The following ERC1 variants were observed in gnomAD, a reference collection of about 807,000 sequenced individuals.
ERC1 encodes RAB6 interacting protein 2.
Under a neutral mutation model 132.0 loss-of-function variants are expected in ERC1, and 56 were observed. The observed-to-expected ratio is 0.42, with a 90% CI of 0.34 to 0.53. The LOEUF (loss-of-function observed/expected upper bound fraction) is 0.53, where lower values mean the gene tolerates loss of function less well. ERC1 is among the 20% of genes least tolerant of loss of function. The pLI is 0.03. For synonymous variants in ERC1, 478 were observed against 476.1 expected, an observed-to-expected ratio of 1.00 and a Z score of -0.05; for missense variants, 1,202 against 1,349.9, an observed-to-expected ratio of 0.89 and a Z score of 1.72.
intron 2 of ERC1, among the ~76,000 whole-genome samples, chr12:1,058,157 T>G (rs550437594): frequency 6.6e-6 from 1 of 152,348 alleles, no homozygotes; most frequent in Non-Finnish European, 1.5e-5. Context: ...CTGTTGATTG[T>G]TTCCTTTGCT....
At chr12:1,236,658 A>T in intron 12 of ERC1, 111 bp from the exon 13 acceptor site, 1 of 1,077,938 alleles carries the variant, frequency 9.3e-7, no homozygotes, top group Non-Finnish European at 1.3e-6. Context: ...GCATGTATTT[A>T]TTCGTTGGTT....
At chr12:1,236,746 G>T in intron 12 of ERC1, 23 bp from the exon 13 acceptor site, 1 of 1,608,472 alleles carries the variant, frequency 6.2e-7, no homozygotes, top group Non-Finnish European at 8.5e-7. Flanking sequence ...TGCAAAGCTT[G>T]ATTTTTCTCC....
chr12:1,187,913 G>A (rs913315085), intron 11 of ERC1, among the ~76,000 whole-genome samples: 1 of 152,112 alleles, frequency 6.6e-6, no homozygotes, highest in African/African-American at 2.4e-5. Context: ...TTATATCAAG[G>A]AGAACTAACT....
At chr12:1,265,397 G>C (rs893575874) in intron 14 of ERC1, among the ~76,000 whole-genome samples, 2 of 152,106 alleles carry the variant, frequency 1.3e-5, no homozygotes, top group South Asian at 4.2e-4. Context: ...ATATGCTTTA[G>C]GGGTATGTTT....
intron 17 of ERC1, among the ~76,000 whole-genome samples, chr12:1,438,084 C>A (rs1430277229): frequency 6.6e-6 from 1 of 152,156 alleles, no homozygotes; most frequent in Non-Finnish European, 1.5e-5. Context: ...CTAGTGGTAA[C>A]TGAATTATAT....
At chr12:1,401,270 C>T (rs1446106483) in intron 16 of ERC1, among the ~76,000 whole-genome samples, 1 of 152,058 alleles carries the variant, frequency 6.6e-6, no homozygotes, top group East Asian at 1.9e-4. Context: ...TGTGAATTTA[C>T]AGTTCTCTCA....
At chr12:1,156,500 G>C (rs1226727145) in intron 8 of ERC1, among the ~76,000 whole-genome samples, 1 of 152,120 alleles carries the variant, frequency 6.6e-6, no homozygotes, top group Non-Finnish European at 1.5e-5. Context: ...GCCTCCCAAA[G>C]TGCAGGGATT....
intron 1 of ERC1, among the ~76,000 whole-genome samples, chr12:996,884 A>G (rs1246608631): frequency 6.6e-6 from 1 of 152,198 alleles, no homozygotes; most frequent in Non-Finnish European, 1.5e-5. Flanking sequence ...TACATATAAG[A>G]AACATTTTAT....
At chr12:1,333,277 G>A (rs373343214) in intron 15 of ERC1, among the ~76,000 whole-genome samples, 11 of 150,870 alleles carry the variant, frequency 7.3e-5, no homozygotes, top group African/African-American at 2.7e-4. Context: ...CAAAGGACAT[G>A]ATCTCATTCT....
intron 4 of ERC1, among the ~76,000 whole-genome samples, chr12:1,106,363 C>G (rs1161730659): frequency 6.6e-6 from 1 of 152,194 alleles, no homozygotes; most frequent in Non-Finnish European, 1.5e-5. Context: ...TCTTCATATC[C>G]TCTAGAAAGC....
chr12:1,456,633 T>C (rs2093542474), intron 18 of ERC1, among the ~76,000 whole-genome samples: 1 of 152,134 alleles, frequency 6.6e-6, no homozygotes, highest in South Asian at 2.1e-4. Flanking sequence ...TTACTTCTTT[T>C]GAATTATATA....
intron 16 of ERC1, among the ~76,000 whole-genome samples, chr12:1,400,748 A>T (rs752117130): frequency 6.6e-6 from 1 of 151,996 alleles, no homozygotes; most frequent in Non-Finnish European, 1.5e-5. Flanking sequence ...TAAAAAAATG[A>T]TGATTTGTTT....
At position 1,289,893 on chromosome 12, in the gene ERC1, A is replaced by C; in HGVS notation, c.2661A>C (p.Glu887Asp). 1 of 1,613,904 alleles carries C rather than the reference A, an allele frequency of 6.2e-7. No homozygotes were observed. Among genetic ancestry groups the C allele is most frequent in the African/African-American group, 1.3e-5 (1 of 75,030 alleles). Residue 887 changes from glutamate (E) to aspartate (D), a missense_variant, in exon 15 of 19, where the codon GAA becomes GAC. Glu to Asp is a conservative substitution (Grantham distance 45). Coordinates refer to ENST00000360905, the MANE Select transcript of ERC1 (RefSeq NM_178040.4). ...TGGCCATGGAGAAGGTAAAGCAGGA[A>C]CTAGAATCCATGAAAGCAAAGCTGT... ...LLMAMEKVKQ[E>D]LESMKAKLSS... is the part of the protein sequence containing the mutation.
intron 2 of ERC1, among the ~76,000 whole-genome samples, chr12:1,034,533 G>A (rs1044387027): frequency 3.5e-4 from 54 of 152,298 alleles, no homozygotes; most frequent in African/African-American, 1.2e-3. Flanking sequence ...GACAGTATAT[G>A]TGTGTGTCAG....
chr12:1,169,331 G>A (rs535971696), intron 8 of ERC1, among the ~76,000 whole-genome samples: 4 of 152,242 alleles, frequency 2.6e-5, no homozygotes, highest in South Asian at 2.1e-4. Flanking sequence ...CACCTTGCCC[G>A]AGGGCAAGCC....
Position 1,040,496 on chromosome 12 carries a change from C to T in ERC1, c.669+11924C>T, listed in dbSNP as rs539974940. Among the ~76,000 whole-genome samples, 24 of 151,804 alleles carry T rather than the reference C, an allele frequency of 1.6e-4. No homozygotes were observed. The South Asian group carries it at 3.5e-3, about 22-fold the overall frequency. Reference sequence around the variant, plus strand: ...TAATTTTTTGTATTTTTAGTGGAGACGGGATTTCACCGTGTTAGCCGGGAT... The same window carrying T: ...TAATTTTTTGTATTTTTAGTGGAGATGGGATTTCACCGTGTTAGCCGGGAT... On this transcript the variant is annotated intron_variant, in intron 2 of 18. Coordinates refer to ENST00000360905, the MANE Select transcript of ERC1 (RefSeq NM_178040.4).
chr12:1,189,728 T>C, intron 11 of ERC1, 131 bp from the exon 12 acceptor site: 2 of 649,356 alleles, frequency 3.1e-6, no homozygotes, highest in Non-Finnish European at 5.0e-6. Flanking sequence ...AAAAACCTTA[T>C]AAATTACAAA....
intron 16 of ERC1, among the ~76,000 whole-genome samples, chr12:1,376,407 A>G (rs200373488): frequency 1.8e-5 from 1 of 56,064 alleles, no homozygotes; most frequent in African/African-American, 1.4e-4. Context: ...GATTTTCCAC[A>G]TGTTACCTCC....
chr12:1,356,529 AT>A (rs1249828617), intron 15 of ERC1, among the ~76,000 whole-genome samples: 1 of 152,126 alleles, frequency 6.6e-6, no homozygotes, highest in Non-Finnish European at 1.5e-5. Context: ...TTTTGAGCAT[AT>A]TTTTCCCTAA....
Sources: gnomAD v4.1 joint callset for allele counts (sites outside exome capture counted in the v4.1 genomes callset) on GRCh38, gnomAD v4.1.1 for gene constraint, MANE v1.5 for transcripts, NCBI Gene and HGNC (gene_info 2026-07-23, HGNC 2026-07-21) for gene names.